PTGER3: variants seen among roughly 807,000 people sequenced by gnomAD.
The protein encoded by PTGER3 is prostaglandin E receptor 3, also known as prostaglandin E2 receptor EP3 subtype.
In PTGER3, 22 loss-of-function variants were observed where a neutral mutation model predicts 34.7. The observed-to-expected ratio is 0.63, with a 90% CI of 0.45 to 0.91. PTGER3 has a LOEUF of 0.91. Ranked by LOEUF, PTGER3 falls within the 40% of genes least tolerant of loss-of-function variation. PTGER3 has a pLI of 0.00. For missense variants in PTGER3, 468 were observed against 519.4 expected (o/e 0.90, Z 0.96); for synonymous variants, 241 against 230.1 (o/e 1.05, Z -0.43).
intron 2 of PTGER3, among the ~76,000 whole-genome samples, chr1:70,960,830 A>G (rs139419948): frequency 3.2e-4 from 48 of 152,294 alleles, no homozygotes; most frequent in Non-Finnish European, 1.5e-5. Flanking sequence ...TCTTAGTCCT[A>G]GGAGAATTTG....
rs1406379447 is a variant in PTGER3 at position 70,929,778 on chromosome 1, A to T, written c.*23+23985T>A. Among the ~76,000 whole-genome samples, 3 of 152,188 alleles carry T rather than the reference A, an allele frequency of 2.0e-5. No homozygotes were observed. In the East Asian group the frequency reaches 5.8e-4, roughly 29 times the overall value. On this transcript the variant is annotated intron_variant, in intron 4 of 4. Coordinates refer to the PTGER3 transcript ENST00000370931. ...TTCCCAAAGCCTCCAGTGGAGAAAA[A>T]GTATTTGTAGGGAAACCTCTGCAGT...
chr1:70,904,899 A>G (rs952444740), intron 4 of PTGER3, among the ~76,000 whole-genome samples: 1 of 152,186 alleles, frequency 6.6e-6, no homozygotes, highest in African/African-American at 2.4e-5. Flanking sequence ...TCTCCAAAGC[A>G]TCTCAGAGGT....
intron 2 of PTGER3, among the ~76,000 whole-genome samples, chr1:70,982,319 T>C (rs1654458658): frequency 6.6e-6 from 1 of 152,158 alleles, no homozygotes; most frequent in Non-Finnish European, 1.5e-5. Flanking sequence ...TTTGGGAATA[T>C]CATTTGTGAT....
chr1:70,997,328 T>A (rs1374107162), intron 2 of PTGER3: 2 of 152,190 alleles, frequency 1.3e-5, no homozygotes, highest in Non-Finnish European at 2.9e-5. Flanking sequence ...CTCTTGGTTA[T>A]GAAACTTAAA....
chr1:71,008,244 T>G (rs1453218777), intron 2 of PTGER3: 4 of 930,592 alleles, frequency 4.3e-6, no homozygotes, highest in Non-Finnish European at 5.1e-6. Flanking sequence ...AACTGATTGA[T>G]ACAAAGCTTC....
chr1:71,034,188 T>TATC (rs10667518), intron 1 of PTGER3, among the ~76,000 whole-genome samples: 141,375 of 151,994 alleles, frequency 0.93, 65,887 homozygotes, highest in East Asian at 1. Context: ...TTATGTGAGT[T>TATC]ATATTAATAA....
intron 1 of PTGER3, among the ~76,000 whole-genome samples, chr1:71,046,021 C>T (rs1016122230): frequency 4.1e-4 from 62 of 150,860 alleles, no homozygotes; most frequent in African/African-American, 1.4e-3. Flanking sequence ...CGGCCGGGCG[C>T]GGTGGCTCAC....
chr1:70,995,337 G>C (rs2100787733), intron 2 of PTGER3, among the ~76,000 whole-genome samples: 1 of 152,266 alleles, frequency 6.6e-6, no homozygotes, highest in Non-Finnish European at 1.5e-5. Flanking sequence ...TGAGAGCTTT[G>C]AACAAGTTAA....
chr1:70,911,531 A>G (rs1163426440), intron 4 of PTGER3, among the ~76,000 whole-genome samples: 1 of 152,178 alleles, frequency 6.6e-6, no homozygotes, highest in East Asian at 1.9e-4. Flanking sequence ...AATGGCAAGT[A>G]TTAACCTTTA....
At chr1:70,936,629 G>A (rs1649257329) in intron 4 of PTGER3, among the ~76,000 whole-genome samples, 1 of 152,072 alleles carries the variant, frequency 6.6e-6, no homozygotes, top group Non-Finnish European at 1.5e-5. Flanking sequence ...TCTTCAATTG[G>A]ACAGCAACAT....
intron 4 of PTGER3, among the ~76,000 whole-genome samples, chr1:70,879,503 C>A (rs1027683432): frequency 2.6e-5 from 4 of 152,154 alleles, no homozygotes; most frequent in Admixed American, 6.5e-5. Context: ...CCACCTTGGC[C>A]TCCTAAAGTG....
At chr1:71,019,111 A>C (rs1166173394) in intron 1 of PTGER3, among the ~76,000 whole-genome samples, 1 of 152,208 alleles carries the variant, frequency 6.6e-6, no homozygotes, top group Non-Finnish European at 1.5e-5. Context: ...ATTTCTGTGT[A>C]TGTGTTTGCA....
chr1:70,857,875 C>T (rs911090573), intron 4 of PTGER3, among the ~76,000 whole-genome samples: 1 of 152,196 alleles, frequency 6.6e-6, no homozygotes, highest in Non-Finnish European at 1.5e-5. Flanking sequence ...TAATTCATGA[C>T]TACAGTTGCA....
intron 2 of PTGER3, among the ~76,000 whole-genome samples, chr1:70,991,987 T>A (rs1312774003): frequency 6.6e-6 from 1 of 152,216 alleles, no homozygotes; most frequent in African/African-American, 2.4e-5. Flanking sequence ...TAATTGGTTA[T>A]ACTAAATATC....
chr1:70,863,566 G>A (rs1399206184), intron 4 of PTGER3, among the ~76,000 whole-genome samples: 1 of 152,156 alleles, frequency 6.6e-6, no homozygotes, highest in Non-Finnish European at 1.5e-5. Flanking sequence ...CCTGGGTCAA[G>A]ATCCATTCAT....
At chr1:70,951,903 G>A (rs1239066119), downstream of PTGER3, among the ~76,000 whole-genome samples, 2 of 152,128 alleles carry the variant, frequency 1.3e-5, no homozygotes, top group Admixed American at 6.6e-5. Flanking sequence ...AAATAATAGA[G>A]AAACCTACTG....
intron 4 of PTGER3, among the ~76,000 whole-genome samples, chr1:70,859,131 CT>C (rs1375452646): frequency 1.3e-5 from 2 of 152,210 alleles, no homozygotes; most frequent in African/African-American, 4.8e-5. Flanking sequence ...CTGTCCCCCA[CT>C]TTCTCTGCAG....
intron 4 of PTGER3, among the ~76,000 whole-genome samples, chr1:70,936,671 A>G (rs1260844734): frequency 6.6e-6 from 1 of 152,160 alleles, no homozygotes; most frequent in Non-Finnish European, 1.5e-5. Context: ...AGTTTGTGGT[A>G]AGACTATGTA....
intron 2 of PTGER3, among the ~76,000 whole-genome samples, chr1:70,957,939 T>G (rs1651526762): frequency 6.6e-6 from 1 of 152,178 alleles, no homozygotes. Flanking sequence ...CAGTTTGTCT[T>G]TCTGTGTCTA....
Sources: gnomAD v4.1 joint callset for allele counts (sites outside exome capture counted in the v4.1 genomes callset) on GRCh38, gnomAD v4.1.1 for gene constraint, MANE v1.5 for transcripts, NCBI Gene and HGNC (gene_info 2026-07-23, HGNC 2026-07-21) for gene names.